FOXP1: variants seen among roughly 807,000 people sequenced by gnomAD.
The protein encoded by FOXP1 is forkhead box protein P1.
In FOXP1, 15 loss-of-function variants were observed where a neutral mutation model predicts 98.2. The ratio of observed to expected loss-of-function variants is 0.15; its 90% CI spans 0.10 to 0.24. The LOEUF (loss-of-function observed/expected upper bound fraction) is 0.24, where lower values mean the gene tolerates loss of function less well. Among genes scored for constraint, FOXP1 ranks in the 10% least tolerant of loss-of-function variants. The pLI is 1.00. For missense variants in FOXP1, 633 were observed against 848.5 expected (o/e 0.75, Z 3.15); for synonymous variants, 371 against 314.5 (o/e 1.18, Z -1.90).
intron 3 of FOXP1, among the ~76,000 whole-genome samples, chr3:71,474,899 C>A (rs1577712378): frequency 6.6e-6 from 1 of 152,274 alleles, no homozygotes; most frequent in East Asian, 1.9e-4. Flanking sequence ...GAAAAACCGT[C>A]TCCCATGATT....
chr3:71,025,105 G>A (rs771196590), intron 11 of FOXP1, among the ~76,000 whole-genome samples: 67 of 152,160 alleles, frequency 4.4e-4, no homozygotes, highest in Non-Finnish European at 7.5e-4. Flanking sequence ...TAAACGAGAC[G>A]ATTTATGAAA....
intron 7 of FOXP1, among the ~76,000 whole-genome samples, chr3:71,099,725 T>C (rs1002347010): frequency 6.6e-6 from 1 of 152,154 alleles, no homozygotes; most frequent in East Asian, 1.9e-4. Flanking sequence ...GACTATAACC[T>C]GCCAGTCAGA....
chr3:71,338,594 AT>A (rs1329009441), intron 4 of FOXP1, among the ~76,000 whole-genome samples: 1 of 151,960 alleles, frequency 6.6e-6, no homozygotes, highest in Non-Finnish European at 1.5e-5. Context: ...TGCCCAGCTA[AT>A]TTTTTTGTAT....
At chr3:71,557,124 G>A (rs1227347717) in intron 2 of FOXP1, among the ~76,000 whole-genome samples, 1 of 152,092 alleles carries the variant, frequency 6.6e-6, no homozygotes, top group Non-Finnish European at 1.5e-5. Context: ...GTCAATAGCT[G>A]TTTTCTTATG....
At chr3:71,453,625 C>T (rs904470818) in intron 3 of FOXP1, among the ~76,000 whole-genome samples, 4 of 152,172 alleles carry the variant, frequency 2.6e-5, no homozygotes, top group Non-Finnish European at 5.9e-5. Flanking sequence ...CCTGGAGAGC[C>T]TGACCAAACT....
In FOXP1 at chr3:70,956,863, T is replaced by C; in HGVS notation, c.*2384A>G. On this transcript the variant is annotated 3_prime_UTR_variant, in exon 21 of 21. Coordinates refer to ENST00000649528, the MANE Select transcript of FOXP1 (RefSeq NM_001349338.3). ...GCCAGAGAAGTTTTTGTACCAAGCTTATGAGTGGATGGGAGTGTTACTTTT... is the reference window on the plus strand; with the variant it reads ...GCCAGAGAAGTTTTTGTACCAAGCTCATGAGTGGATGGGAGTGTTACTTTT... The C allele has an allele frequency of 4.8e-6, 1 of 209,290 alleles. No individual in the cohort carries two copies. Among genetic ancestry groups the C allele is most frequent in the Non-Finnish European group, 9.5e-6 (1 of 105,086 alleles). The allele number at this position is 209,290 out of a possible 1,614,324, so 13.0% of individuals were successfully genotyped here. A position where few individuals can be genotyped will look rare whatever the true frequency, so the allele number is the denominator to read the frequency against.
At chr3:71,408,191 C>T (rs1035443103) in intron 3 of FOXP1, among the ~76,000 whole-genome samples, 1 of 152,094 alleles carries the variant, frequency 6.6e-6, no homozygotes, top group Non-Finnish European at 1.5e-5. Flanking sequence ...TAATTTGCAA[C>T]AGGCGGAAAT....
rs566280510 is a variant in FOXP1 at position 70,956,945 on chromosome 3, T to A, written c.*2302A>T. Reference sequence around the variant, plus strand: ...TCGGAAAAAAAGGAAAAATTAAAAATAAAAACAAACTGAAGGATATATGCC... The same window carrying A: ...TCGGAAAAAAAGGAAAAATTAAAAAAAAAAACAAACTGAAGGATATATGCC... On this transcript the variant is annotated 3_prime_UTR_variant, in exon 21 of 21. Coordinates refer to ENST00000649528, the MANE Select transcript of FOXP1 (RefSeq NM_001349338.3). 24 of 216,280 alleles carry A rather than the reference T, an allele frequency of 1.1e-4. No homozygotes were observed. Among genetic ancestry groups the A allele is most frequent in the Admixed American group, 4.7e-4 (8 of 17,178 alleles). The allele number at this position is 216,280 out of a possible 1,614,324, so 13.4% of individuals were successfully genotyped here.
At chr3:71,425,491 G>C (rs2084076197) in intron 3 of FOXP1, among the ~76,000 whole-genome samples, 1 of 152,122 alleles carries the variant, frequency 6.6e-6, no homozygotes, top group South Asian at 2.1e-4. Context: ...GCAGTGTGGA[G>C]GGTGGGGAGG....
chr3:70,991,746 C>G (rs1176618356), intron 13 of FOXP1, among the ~76,000 whole-genome samples: 1 of 152,122 alleles, frequency 6.6e-6, no homozygotes, highest in Non-Finnish European at 1.5e-5. Context: ...TCCATTAATC[C>G]TATTCTGTTT....
At chr3:71,284,923 T>C (rs1006994742) in intron 5 of FOXP1, among the ~76,000 whole-genome samples, 1 of 152,216 alleles carries the variant, frequency 6.6e-6, no homozygotes, top group African/African-American at 2.4e-5. Flanking sequence ...TACTTTTCTA[T>C]AATTGCAAAT....
intron 3 of FOXP1, among the ~76,000 whole-genome samples, chr3:71,408,881 C>A (rs1220605782): frequency 3.9e-5 from 6 of 152,124 alleles, no homozygotes; most frequent in Non-Finnish European, 7.4e-5. Flanking sequence ...GAGGCAGAAT[C>A]GATGAACAAA....
intron 20 of FOXP1, among the ~76,000 whole-genome samples, chr3:70,961,940 C>T (rs192997993): frequency 4.3e-4 from 65 of 152,190 alleles, no homozygotes; most frequent in African/African-American, 1.4e-3. Flanking sequence ...GTGCAGTGTC[C>T]TTTTAGGCAT....
chr3:71,526,824 G>A (rs1037913211), intron 2 of FOXP1, among the ~76,000 whole-genome samples: 5 of 151,986 alleles, frequency 3.3e-5, no homozygotes, highest in East Asian at 1.9e-4. Context: ...AAAATTAGTC[G>A]GGCGTGGTGG....
chr3:71,252,712 G>T (rs1305313239), intron 5 of FOXP1, among the ~76,000 whole-genome samples: 1 of 152,202 alleles, frequency 6.6e-6, no homozygotes, highest in Non-Finnish European at 1.5e-5. Flanking sequence ...AACAGAAGTG[G>T]ATGGAAGTGA....
intron 4 of FOXP1, among the ~76,000 whole-genome samples, chr3:71,305,494 G>A (rs1253708279): frequency 1.3e-5 from 2 of 152,132 alleles, no homozygotes; most frequent in East Asian, 3.9e-4. Flanking sequence ...CCTGGCCCGG[G>A]TATAGACAAT....
intron 2 of FOXP1, among the ~76,000 whole-genome samples, chr3:71,574,866 T>C (rs1050180017): frequency 6.6e-6 from 1 of 152,240 alleles, no homozygotes; most frequent in Non-Finnish European, 1.5e-5. Context: ...GAGGCTCTTG[T>C]TCTGCCTCTG....
intron 6 of FOXP1, among the ~76,000 whole-genome samples, chr3:71,194,450 ATGT>A (rs1224778266): frequency 6.6e-6 from 1 of 152,170 alleles, no homozygotes; most frequent in Non-Finnish European, 1.5e-5. Context: ...ATTATGCTCT[ATGT>A]AATATGCTTA....
chr3:71,065,685 C>T (rs2107347498), intron 7 of FOXP1: 1 of 152,338 alleles, frequency 6.6e-6, no homozygotes, highest in African/African-American at 2.4e-5. Flanking sequence ...AAGCATCTGC[C>T]ACACGTTTGC....
Sources: gnomAD v4.1 joint callset for allele counts (sites outside exome capture counted in the v4.1 genomes callset) on GRCh38, gnomAD v4.1.1 for gene constraint, MANE v1.5 for transcripts, NCBI Gene and HGNC (gene_info 2026-07-23, HGNC 2026-07-21) for gene names.